Variants in ZBTB32 observed in about 807,000 individuals in gnomAD.
The protein encoded by ZBTB32 is zinc finger and BTB domain-containing protein 32.
In ZBTB32, 28 loss-of-function variants were observed where a neutral mutation model predicts 45.3. The ratio of observed to expected loss-of-function variants is 0.62; its 90% CI spans 0.46 to 0.85. ZBTB32 has a LOEUF of 0.85. Among genes scored for constraint, ZBTB32 ranks in the 40% least tolerant of loss-of-function variants. ZBTB32 has a pLI of 0.00. For missense variants in ZBTB32, 587 were observed against 624.4 expected, an observed-to-expected ratio of 0.94 and a Z score of 0.64; for synonymous variants, 283 against 255.7, an observed-to-expected ratio of 1.11 and a Z score of -1.02.
chr19:35,716,758 T>C lies in ZBTB32; in HGVS notation c.*6T>C, dbSNP rs766721529. ...CTTCTTCCTCCACCACCTGACGGGG[T>C]GTCGGTAGCGTCTTAGCCAAGAGTC... On this transcript the variant is annotated 3_prime_UTR_variant, in exon 7 of 7. Transcript: ENST00000392197. 1.3e-5 allele frequency: 20 copies of C among 1,597,160 alleles called. No homozygotes were observed. The highest frequency in any genetic ancestry group is 1.7e-5 in the Admixed American group (1 of 59,682).
intron 1 of ZBTB32, among the ~76,000 whole-genome samples, chr19:35,711,944 G>C (rs1968708281): frequency 7.0e-6 from 1 of 142,094 alleles, no homozygotes; most frequent in African/African-American, 2.7e-5. Flanking sequence ...AGAATCGCTT[G>C]AACCTGGGAG....
rs1968808901 is a variant in ZBTB32, at chr19:35,714,808, C to T, written c.182C>T (p.Ala61Val). The T allele has an allele frequency of 1.2e-6, 2 of 1,613,824 alleles. No individual in the cohort carries two copies. Among genetic ancestry groups the T allele is most frequent in the African/African-American group, 1.3e-5 (1 of 74,948 alleles). The change falls in exon 3 of 7, where the codon GCT becomes GTT. Residue 61 changes from alanine (A) to valine (V), a missense_variant. Transcript: ENST00000392197. ...CAGCTGGGCCGCAGGGGCCAGTGGG[C>T]TCTGGGAGAAGGCATCAGCCCTTCT... ...SQQLGRRGQW[A>V]LGEGISPSTF...
intron 3 of ZBTB32, 48 bp from the exon 4 acceptor site, chr19:35,715,708 AG>A: frequency 6.4e-7 from 1 of 1,557,060 alleles, no homozygotes; most frequent in South Asian, 1.2e-5. Flanking sequence ...CGAAGGGGCC[AG>A]GCTCCCAGGT....
At chr19:35,712,249 C>G (rs1968722745) in intron 1 of ZBTB32, among the ~76,000 whole-genome samples, 1 of 151,970 alleles carries the variant, frequency 6.6e-6, no homozygotes, top group Admixed American at 6.6e-5. Context: ...ATCATTTGAG[C>G]CCAAGAGTTC....
intron 1 of ZBTB32, among the ~76,000 whole-genome samples, chr19:35,706,733 G>T (rs764335442): frequency 2.0e-5 from 3 of 151,886 alleles, no homozygotes; most frequent in Non-Finnish European, 4.4e-5. Context: ...AAATAAATAA[G>T]TAAATAACAT....
Position 35,716,117 on chromosome 19 carries a change from T to G in ZBTB32, c.1025-16T>G. ...ATTCCTGGCCCTGCCCTCCTTTGCC[T>G]TCTCTGTCCCCACAGGCGCACTTGC... is the stretch of plus-strand genomic sequence containing the variant. On this transcript the variant is annotated splice_polypyrimidine_tract_variant and intron_variant, in intron 5 of 6. Coordinates refer to ENST00000392197, the MANE Select transcript of ZBTB32 (RefSeq NM_014383.3). 1.2e-6 allele frequency: 2 copies of G among 1,613,122 alleles called. No individual in the cohort carries two copies. The highest frequency in any genetic ancestry group is 1.1e-5 in the South Asian group (1 of 90,978).
intron 1 of ZBTB32, among the ~76,000 whole-genome samples, chr19:35,708,005 T>C (rs1195350445): frequency 3.3e-5 from 5 of 152,078 alleles, no homozygotes; most frequent in African/African-American, 9.7e-5. Flanking sequence ...GTTAGTCCCA[T>C]GGGTGACATT....
Position 35,715,337 on chromosome 19 carries a change from C to A in ZBTB32, c.711C>A (p.Gly237=), listed in dbSNP as rs778480374. The A allele has an allele frequency of 6.2e-7, 1 of 1,603,554 alleles. No individual in the cohort carries two copies. The highest frequency in any genetic ancestry group is 1.1e-5 in the South Asian group (1 of 90,100). ...TCCCTGGCCCCCTTCCCCCAGCAGG[C>A]TCCCTGCAAACCAGCGTCACCCCTA... ...RKLPGPLPPA[G]SLQTSVTPRP... is the part of the protein sequence containing the mutation. Residue 237 remains glycine (G), a synonymous_variant, in exon 3 of 7, where the codon GGC becomes GGA. Coordinates refer to ENST00000392197, the MANE Select transcript of ZBTB32 (RefSeq NM_014383.3).
chr19:35,707,422 T>G (rs1599646688), intron 1 of ZBTB32, among the ~76,000 whole-genome samples: 1 of 144,778 alleles, frequency 6.9e-6, no homozygotes, highest in Non-Finnish European at 1.5e-5. Flanking sequence ...CAGGCTGGAG[T>G]GCAGTGGTGT....
chr19:35,716,423 C>T, intron 6 of ZBTB32, 55 bp from the exon 7 acceptor site: 1 of 1,585,084 alleles, frequency 6.3e-7, no homozygotes, highest in Non-Finnish European at 8.6e-7. Flanking sequence ...CTAACTTGGC[C>T]AGCTTTCGCC....
intron 2 of ZBTB32, chr19:35,713,392 G>A (rs866598811): frequency 4.6e-5 from 7 of 152,608 alleles, no homozygotes; most frequent in African/African-American, 1.7e-4. Flanking sequence ...TAGCTCCAGG[G>A]GGGGCCCCAG....
intron 1 of ZBTB32, among the ~76,000 whole-genome samples, chr19:35,707,195 TAAAAAAAAAAAA>T (rs537947581): frequency 9.4e-6 from 1 of 105,938 alleles, no homozygotes; most frequent in Non-Finnish European, 1.9e-5. Context: ...ACTGTGTCTC[TAAAAAAAAAAAA>T]AAAAAAAAAG....
intron 1 of ZBTB32, among the ~76,000 whole-genome samples, chr19:35,707,838 C>G (rs1028754271): frequency 6.6e-6 from 1 of 151,834 alleles, no homozygotes; most frequent in African/African-American, 2.4e-5. Flanking sequence ...AAAAATTAGC[C>G]GGGTGTCGTG....
At chr19:35,707,940 C>T (rs1452998452) in intron 1 of ZBTB32, among the ~76,000 whole-genome samples, 1 of 152,008 alleles carries the variant, frequency 6.6e-6, no homozygotes, top group Non-Finnish European at 1.5e-5. Flanking sequence ...CAAGATCGTG[C>T]CACTGCACTC....
Position 35,716,224 on chromosome 19 carries a change from C to G in ZBTB32, c.1116C>G (p.Pro372=), listed in dbSNP as rs566021481. The G allele has an allele frequency of 1.9e-6, 3 of 1,613,958 alleles. No homozygotes were observed. In the South Asian group the frequency reaches 3.3e-5, roughly 18 times the overall value. ...CGGCCCCTCCTGCTCGGTCTCGGCC[C>G]TATGCGTGCTCTGTCTGTGGAAAGA... is the stretch of plus-strand genomic sequence containing the variant. The part of the protein sequence containing the change: ...PPPAPPARSR[P]YACSVCGKRF... The change falls in exon 6 of 7, where the codon CCC becomes CCG. Residue 372 remains proline, a synonymous_variant. Transcript: ENST00000392197.
At position 35,714,869 on chromosome 19, in the gene ZBTB32, G is replaced by C; in HGVS notation, c.243G>C (p.Glu81Asp). The C allele has an allele frequency of 6.2e-7, 1 of 1,608,278 alleles. No homozygotes were observed. Among genetic ancestry groups the C allele is most frequent in the Non-Finnish European group, 8.5e-7 (1 of 1,176,832 alleles). ...FAQLLNFVYG[E>D]SVELQPGELR... is the part of the protein sequence containing the mutation. ...AGCTCCTGAACTTTGTGTATGGGGA[G>C]AGTGTAGAGCTGCAGCCTGGAGAGC... The change falls in exon 3 of 7, where the codon GAG becomes GAC. Residue 81 changes from glutamate (E) to aspartate (D), a missense_variant. By Grantham distance (45) the Glu-to-Asp change is conservative. Transcript: ENST00000392197.
chr19:35,716,069 T>C, intron 5 of ZBTB32, 62 bp downstream of exon 5: 1 of 1,611,772 alleles, frequency 6.2e-7, no homozygotes, highest in Admixed American at 1.7e-5. Context: ...CCTGCCTGAA[T>C]GGTACAGTGA....
Position 35,716,894 on chromosome 19 carries a change from C to G in ZBTB32, c.*142C>G, listed in dbSNP as rs1435527638. Reference sequence around the variant, plus strand: ...CCCCAGGAAGGGCGCCGAGTGCCCTCTCCTGGACGATCGCGGGTCGCAGAA... The same window carrying G: ...CCCCAGGAAGGGCGCCGAGTGCCCTGTCCTGGACGATCGCGGGTCGCAGAA... On this transcript the variant is annotated 3_prime_UTR_variant, in exon 7 of 7. Transcript: ENST00000392197. 1.0e-6 allele frequency: 1 copy of G among 958,964 alleles called. No individual in the cohort carries two copies. The highest frequency in any genetic ancestry group is 1.5e-6 in the Non-Finnish European group (1 of 658,056). 59.4% of individuals were successfully genotyped at this position (958,964 alleles called of 1,614,324 possible).
intron 1 of ZBTB32, among the ~76,000 whole-genome samples, chr19:35,708,068 G>T (rs1302479308): frequency 1.3e-5 from 2 of 152,136 alleles, no homozygotes; most frequent in Non-Finnish European, 2.9e-5. Context: ...AATAAAGTAG[G>T]TTCCTATATT....
Sources: allele counts gnomAD v4.1 joint callset (sites outside exome capture counted in the v4.1 genomes callset), GRCh38; gene constraint gnomAD v4.1.1; transcripts MANE v1.5; gene names NCBI Gene and HGNC (gene_info 2026-07-23, HGNC 2026-07-21).